Variants in LRMDA observed in about 807,000 individuals in gnomAD.
LRMDA encodes the protein leucine rich melanocyte differentiation associated, also known as leucine-rich melanocyte differentiation-associated protein.
LRMDA carries 18 observed loss-of-function variants against 29.8 expected under a neutral mutation model. That is an observed-to-expected ratio of 0.60 (90% CI 0.42 to 0.90). LRMDA has a LOEUF of 0.90. Among genes scored for constraint, LRMDA ranks in the 40% least tolerant of loss-of-function variants. The pLI is 0.00. For missense variants in LRMDA, 273 were observed against 273.9 expected (o/e 1.00, Z 0.02); for synonymous variants, 125 against 109.4 (o/e 1.14, Z -0.89).
chr10:76,064,775 A>T (rs1316962207), intron 5 of LRMDA, among the ~76,000 whole-genome samples: 1 of 152,260 alleles, frequency 6.6e-6, no homozygotes, highest in Non-Finnish European at 1.5e-5. Context: ...ATAAATAAAC[A>T]TTATAAATCA....
chr10:76,205,256 A>C (rs1851513008), intron 5 of LRMDA, among the ~76,000 whole-genome samples: 1 of 152,154 alleles, frequency 6.6e-6, no homozygotes, highest in Non-Finnish European at 1.5e-5. Flanking sequence ...CTTGGGGTGA[A>C]AACACAGACC....
intron 6 of LRMDA, among the ~76,000 whole-genome samples, chr10:76,523,479 A>C (rs555039561): frequency 6.6e-6 from 1 of 152,074 alleles, no homozygotes; most frequent in African/African-American, 2.4e-5. Flanking sequence ...TTGGAGAGAG[A>C]GTTGGTTCAA....
chr10:75,880,141 C>T (rs1418825957), intron 2 of LRMDA, among the ~76,000 whole-genome samples: 1 of 152,126 alleles, frequency 6.6e-6, no homozygotes, highest in Non-Finnish European at 1.5e-5. Context: ...TGTGTTTCTT[C>T]CAGTCATTGT....
At chr10:76,158,227 C>T (rs765466822) in intron 5 of LRMDA, among the ~76,000 whole-genome samples, 2 of 152,082 alleles carry the variant, frequency 1.3e-5, no homozygotes, top group East Asian at 3.9e-4. Flanking sequence ...TTTAGACAGA[C>T]CATTTAACCT....
intron 2 of LRMDA, among the ~76,000 whole-genome samples, chr10:75,908,384 T>C (rs1268846804): frequency 6.6e-6 from 1 of 152,202 alleles, no homozygotes; most frequent in Non-Finnish European, 1.5e-5. Context: ...CTGACCCATA[T>C]ATTAGCTTCT....
At chr10:75,763,656 A>G (rs535675367) in intron 2 of LRMDA, among the ~76,000 whole-genome samples, 10 of 151,512 alleles carry the variant, frequency 6.6e-5, no homozygotes, top group South Asian at 6.3e-4. Context: ...AGTCTTCCTT[A>G]TTTCTCCCTG....
chr10:75,690,978 A>AT (rs1391206071), intron 2 of LRMDA, among the ~76,000 whole-genome samples: 1,673 of 91,294 alleles, frequency 0.018, 44 homozygotes, highest in African/African-American at 0.063. Flanking sequence ...TTAAAAAAAA[A>AT]ATATATATAT....
intron 2 of LRMDA, among the ~76,000 whole-genome samples, chr10:75,894,009 A>G (rs1035952611): frequency 6.6e-6 from 1 of 151,474 alleles, no homozygotes; most frequent in Non-Finnish European, 1.5e-5. Context: ...AGAACCTGAT[A>G]ATACTTGATT....
chr10:75,732,883 A>C (rs956052418), intron 2 of LRMDA, among the ~76,000 whole-genome samples: 1 of 152,202 alleles, frequency 6.6e-6, no homozygotes, highest in Non-Finnish European at 1.5e-5. Flanking sequence ...TGTTGAAAAA[A>C]GCTGAGCTGA....
chr10:76,008,009 C>G (rs1305388896), intron 2 of LRMDA, among the ~76,000 whole-genome samples: 2 of 152,122 alleles, frequency 1.3e-5, no homozygotes. Context: ...CTCTCGAGCT[C>G]TCATCTGAAA....
intron 5 of LRMDA, among the ~76,000 whole-genome samples, chr10:76,312,408 C>T (rs979090574): frequency 6.6e-6 from 1 of 152,112 alleles, no homozygotes; most frequent in Non-Finnish European, 1.5e-5. Context: ...GCAGATCTGG[C>T]CTAGCCTGAC....
intron 5 of LRMDA, among the ~76,000 whole-genome samples, chr10:76,113,356 A>G (rs1056517518): frequency 6.6e-6 from 1 of 152,054 alleles, no homozygotes; most frequent in Non-Finnish European, 1.5e-5. Flanking sequence ...GGCATTTATT[A>G]AAACGACCTC....
At chr10:75,790,809 A>G (rs1843552959) in intron 2 of LRMDA, among the ~76,000 whole-genome samples, 1 of 152,240 alleles carries the variant, frequency 6.6e-6, no homozygotes, top group Admixed American at 6.5e-5. Context: ...GTCTCCTGAG[A>G]AAACTCAAAC....
At chr10:76,037,888 C>T (rs982630065) in intron 3 of LRMDA, among the ~76,000 whole-genome samples, 3 of 152,194 alleles carry the variant, frequency 2.0e-5, no homozygotes, top group African/African-American at 4.8e-5. Context: ...TCATTATTGT[C>T]ACTTTGATAG....
At chr10:76,362,193 C>T (rs916509244) in intron 6 of LRMDA, among the ~76,000 whole-genome samples, 52 of 152,264 alleles carry the variant, frequency 3.4e-4, no homozygotes, top group Admixed American at 3.9e-4. Context: ...AGGTTATCCA[C>T]GGGCTAGTGA....
intron 5 of LRMDA, among the ~76,000 whole-genome samples, chr10:76,163,606 T>C (rs1332294172): frequency 6.6e-6 from 1 of 152,174 alleles, no homozygotes; most frequent in African/African-American, 2.4e-5. Context: ...TTGGCTTAGC[T>C]AGACCCTTGT....
chr10:75,832,347 A>G (rs1323488268), intron 2 of LRMDA, among the ~76,000 whole-genome samples: 2 of 152,220 alleles, frequency 1.3e-5, no homozygotes, highest in Non-Finnish European at 2.9e-5. Context: ...TTACTAAAAC[A>G]TAATGAAAAT....
intron 2 of LRMDA, among the ~76,000 whole-genome samples, chr10:75,847,381 C>A (rs1394212436): frequency 6.6e-6 from 1 of 150,588 alleles, no homozygotes; most frequent in Non-Finnish European, 1.5e-5. Flanking sequence ...TTAGTTATTA[C>A]TCTTAGGGTC....
rs545010215 is a variant in LRMDA at position 76,123,593 on chromosome 10, G to T, written c.516+64810G>T. 2.6e-5 allele frequency among the ~76,000 whole-genome samples: 4 copies of T among 152,332 alleles called. No homozygotes were observed. The South Asian group carries it at 8.3e-4, about 32-fold the overall frequency. ...GAGTGGTCTACAAATGGAAACCATT[G>T]ATACTGTTATTGTTGTTAGTGTTCT... On this transcript the variant is annotated intron_variant, in intron 5 of 6. Coordinates refer to ENST00000611255, the MANE Select transcript of LRMDA (RefSeq NM_001305581.2).
Sources: gnomAD v4.1 joint callset for allele counts (sites outside exome capture counted in the v4.1 genomes callset) on GRCh38, gnomAD v4.1.1 for gene constraint, MANE v1.5 for transcripts, NCBI Gene and HGNC (gene_info 2026-07-23, HGNC 2026-07-21) for gene names.